SHLD1: variants seen among roughly 807,000 people sequenced by gnomAD.
SHLD1 encodes the protein shieldin complex subunit 1.
SHLD1 carries 3 observed loss-of-function variants against 5.5 expected under a neutral mutation model. The ratio of observed to expected loss-of-function variants is 0.54; its 90% CI spans 0.25 to 1.40. SHLD1 has a LOEUF of 1.40. Among genes scored for constraint, SHLD1 ranks in the 40% most tolerant of loss-of-function variants. SHLD1 has a pLI of 0.15. For missense variants in SHLD1, 210 were observed against 244.4 expected, an observed-to-expected ratio of 0.86 and a Z score of 0.94; for synonymous variants, 92 against 94.3, an observed-to-expected ratio of 0.98 and a Z score of 0.14.
chr20:5,827,878 T>C (rs990678346), intron 2 of SHLD1, among the ~76,000 whole-genome samples: 1 of 123,732 alleles, frequency 8.1e-6, no homozygotes, highest in Non-Finnish European at 1.9e-5. Context: ...ACTTCCTCTA[T>C]AGACCAGATC....
intron 2 of SHLD1, among the ~76,000 whole-genome samples, chr20:5,840,363 C>A (rs536956669): frequency 2.0e-5 from 3 of 152,128 alleles, no homozygotes; most frequent in Admixed American, 6.5e-5. Context: ...CTTTCCATTT[C>A]CAGAATCCCT....
rs1367030982 is a variant in SHLD1, at chr20:5,750,482, A to G, written c.-5+3A>G. 1 of 74,684 alleles carries G rather than the reference A, an allele frequency of 1.3e-5. No individual in the cohort carries two copies. Among genetic ancestry groups the G allele is most frequent in the Non-Finnish European group, 2.4e-5 (1 of 41,560 alleles). The allele number at this position is 74,684 out of a possible 1,614,324, so 4.6% of individuals were successfully genotyped here. A position where few individuals can be genotyped will look rare whatever the true frequency, so the allele number is the denominator to read the frequency against. ...TTCTGGAGTGCTTTGGAGGAGAGGTAAGCGCGGGATGGGATGGGGGGGGGT... is the reference window on the plus strand; with the variant it reads ...TTCTGGAGTGCTTTGGAGGAGAGGTGAGCGCGGGATGGGATGGGGGGGGGT... On this transcript the variant is annotated splice_donor_region_variant and intron_variant, in intron 1 of 2. Coordinates refer to ENST00000303142, the MANE Select transcript of SHLD1 (RefSeq NM_152504.4).
intron 1 of SHLD1, among the ~76,000 whole-genome samples, chr20:5,751,152 C>A (rs902701416): frequency 2.6e-5 from 4 of 152,210 alleles, no homozygotes; most frequent in African/African-American, 7.2e-5. Flanking sequence ...CACGTCCACT[C>A]CGCCTCAAGT....
chr20:5,837,587 T>C (rs237099), intron 2 of SHLD1, among the ~76,000 whole-genome samples: 65,305 of 149,292 alleles, frequency 0.44, 16,530 homozygotes, highest in African/African-American at 0.7. Flanking sequence ...GTTCCTGCAT[T>C]AGTTTGCTGA....
At chr20:5,857,549 C>T (rs912722163) in intron 2 of SHLD1, among the ~76,000 whole-genome samples, 1 of 152,136 alleles carries the variant, frequency 6.6e-6, no homozygotes, top group Non-Finnish European at 1.5e-5. Flanking sequence ...TGTCTCACAC[C>T]TATAATCTCA....
chr20:5,784,364 G>C (rs761770584), intron 2 of SHLD1, among the ~76,000 whole-genome samples: 1 of 151,896 alleles, frequency 6.6e-6, no homozygotes, highest in African/African-American at 2.4e-5. Context: ...TATAACTTTC[G>C]ATATGTACTG....
At chr20:5,834,937 C>A (rs1482103046) in intron 2 of SHLD1, among the ~76,000 whole-genome samples, 1 of 152,122 alleles carries the variant, frequency 6.6e-6, no homozygotes, top group Non-Finnish European at 1.5e-5. Context: ...CATGAGGACT[C>A]CTCCTTCATG....
At chr20:5,783,646 G>T (rs763160512) in intron 2 of SHLD1, among the ~76,000 whole-genome samples, 9 of 152,178 alleles carry the variant, frequency 5.9e-5, no homozygotes, top group Non-Finnish European at 1.0e-4. Flanking sequence ...ATGGCCTGAG[G>T]CGTGAAGGAT....
chr20:5,847,136 A>T (rs2087942053), intron 2 of SHLD1, among the ~76,000 whole-genome samples: 1 of 151,976 alleles, frequency 6.6e-6, no homozygotes, highest in Non-Finnish European at 1.5e-5. Context: ...TGGTATGAAG[A>T]TCATATTAAT....
chr20:5,760,333 T>C (rs1479203816), intron 1 of SHLD1, among the ~76,000 whole-genome samples: 1 of 151,948 alleles, frequency 6.6e-6, no homozygotes, highest in South Asian at 2.1e-4. Flanking sequence ...GGCTTTGTTA[T>C]GTTTGATAGG....
intron 2 of SHLD1, among the ~76,000 whole-genome samples, chr20:5,788,242 G>A (rs1390477583): frequency 6.6e-6 from 1 of 151,854 alleles, no homozygotes; most frequent in African/African-American, 2.4e-5. Context: ...TAAATAAATT[G>A]TAAAAAACAA....
intron 2 of SHLD1, among the ~76,000 whole-genome samples, chr20:5,850,497 T>A (rs528776587): frequency 6.7e-6 from 1 of 150,150 alleles, no homozygotes; most frequent in East Asian, 2.0e-4. Context: ...CAGTTCCAGC[T>A]TTTTTTAGTT....
chr20:5,756,761 C>T lies in SHLD1; in HGVS notation c.-5+6282C>T, dbSNP rs184001320. ...AGCTGGAGTACAATGACAATCTCAG[C>T]TCACTGCAACCTCCGTCTTCCATCA... On this transcript the variant is annotated intron_variant, in intron 1 of 2. Coordinates refer to ENST00000303142, the MANE Select transcript of SHLD1 (RefSeq NM_152504.4). The T allele has an allele frequency of 4.3e-4, 120 of 276,684 alleles. 1 individual carries two copies. The highest frequency in any genetic ancestry group is 2.5e-3 in the Middle Eastern group (6 of 2,370). The allele number at this position is 276,684 out of a possible 1,614,324, so 17.1% of individuals were successfully genotyped here.
intron 2 of SHLD1, among the ~76,000 whole-genome samples, chr20:5,820,352 A>C (rs369063008): frequency 6.6e-6 from 1 of 152,248 alleles, no homozygotes; most frequent in East Asian, 1.9e-4. Flanking sequence ...CAACGGATAC[A>C]AAAGAGTATT....
rs984213937 is a variant in SHLD1, at chr20:5,806,147, G to A, written c.178+33104G>A. Reference sequence around the variant, plus strand: ...CCCAAAATGTTGGGATAATAGGTGTGAGCTACCACATCTGGCTGCTTTATA... The same window carrying A: ...CCCAAAATGTTGGGATAATAGGTGTAAGCTACCACATCTGGCTGCTTTATA... On this transcript the variant is annotated intron_variant, in intron 2 of 2. Coordinates refer to ENST00000303142, the MANE Select transcript of SHLD1 (RefSeq NM_152504.4). This position sits in a 1 kb window ranked among gnomAD's most constrained non-coding sequence, Gnocchi z 7.6. Among the ~76,000 whole-genome samples, 6 of 152,184 alleles carry A rather than the reference G, an allele frequency of 3.9e-5. No homozygotes were observed. The highest frequency in any genetic ancestry group is 1.4e-4 in the African/African-American group (6 of 41,446).
chr20:5,796,654 C>T lies in SHLD1; in HGVS notation c.178+23611C>T, dbSNP rs2087216689. ...CCAGCCTGGGCAACATGGAGAAACC[C>T]CATCTCTACAAAAAAATACAAAAAA... is the stretch of plus-strand genomic sequence containing the variant. On this transcript the variant is annotated intron_variant, in intron 2 of 2. Transcript: ENST00000303142. Among the ~76,000 whole-genome samples, 4 of 151,800 alleles carry T rather than the reference C, an allele frequency of 2.6e-5. No homozygotes were observed. In the East Asian group the frequency reaches 7.7e-4, roughly 29 times the overall value.
At chr20:5,832,168 T>C (rs2087736395) in intron 2 of SHLD1, among the ~76,000 whole-genome samples, 1 of 152,230 alleles carries the variant, frequency 6.6e-6, no homozygotes, top group South Asian at 2.1e-4. Flanking sequence ...CTCAAACTCC[T>C]GGCCTCAAGT....
intron 2 of SHLD1, among the ~76,000 whole-genome samples, chr20:5,776,793 AT>A (rs1418334253): frequency 6.6e-6 from 1 of 151,950 alleles, no homozygotes; most frequent in Non-Finnish European, 1.5e-5. Context: ...ATAAGTAAGC[AT>A]AAAAAAAAAG....
chr20:5,775,993 T>C (rs919777656), intron 2 of SHLD1, among the ~76,000 whole-genome samples: 1 of 140,730 alleles, frequency 7.1e-6, no homozygotes, highest in African/African-American at 2.7e-5. Flanking sequence ...AGTGGCGTGA[T>C]CTTGGCTCAC....
Sources: allele counts gnomAD v4.1 joint callset (sites outside exome capture counted in the v4.1 genomes callset), GRCh38; gene constraint gnomAD v4.1.1; non-coding constraint Gnocchi (gnomAD v3.1); transcripts MANE v1.5; gene names NCBI Gene and HGNC (gene_info 2026-07-23, HGNC 2026-07-21).